Variants in IQSEC1 observed in about 807,000 individuals in gnomAD.
The protein encoded by IQSEC1 is IQ motif and SEC7 domain-containing protein 1.
IQSEC1 carries 31 observed loss-of-function variants against 91.0 expected under a neutral mutation model. That is an observed-to-expected ratio of 0.34 (90% confidence interval 0.26 to 0.46). IQSEC1 has a LOEUF of 0.46. Ranked by LOEUF, IQSEC1 falls within the 20% of genes least tolerant of loss-of-function variation. IQSEC1 has a pLI of 1.00. For synonymous variants in IQSEC1, 699 were observed against 662.6 expected (o/e 1.05, Z -0.84); for missense variants, 1,388 against 1,575.6 (o/e 0.88, Z 2.02).
chr3:13,010,888 A>G (rs1329578109), intron 1 of IQSEC1, among the ~76,000 whole-genome samples: 1 of 151,930 alleles, frequency 6.6e-6, no homozygotes, highest in Non-Finnish European at 1.5e-5. Flanking sequence ...CAAACACACC[A>G]TGAAGACTCG....
In IQSEC1 at chr3:12,922,285, G is replaced by T; in HGVS notation, c.1731-43C>A. ...AGCCCCGCATAAGCACCCCTTGCAG[G>T]TGCGACACGCCCAGCCCACCCCCAG... On this transcript the variant is annotated intron_variant, in intron 4 of 13. Coordinates refer to ENST00000613206, the MANE Select transcript of IQSEC1 (RefSeq NM_001134382.3). The surrounding 1 kb of genome is among the most constrained non-coding windows in gnomAD (Gnocchi z 5.1). The T allele has an allele frequency of 6.7e-7, 1 of 1,497,856 alleles. No individual in the cohort carries two copies. Among genetic ancestry groups the T allele is most frequent in the Non-Finnish European group, 9.0e-7 (1 of 1,110,440 alleles). The allele number at this position is 1,497,856 out of a possible 1,614,324, so 92.8% of individuals were successfully genotyped here.
chr3:12,941,659 A>G lies in IQSEC1; in HGVS notation c.230T>C (p.Leu77Pro). ...RPKLQHSTSILRKQAEEEAIK... is the reference protein window; with the variant it reads ...RPKLQHSTSIPRKQAEEEAIK... Reference sequence around the variant, plus strand: ...GGCCTCCTCCTCAGCCTGCTTGCGCAGGATGGAGGTCGAGTGCTGCAGCTT... The same window carrying G: ...GGCCTCCTCCTCAGCCTGCTTGCGCGGGATGGAGGTCGAGTGCTGCAGCTT... The change falls in exon 2 of 14, where the codon CTG (leucine) becomes CCG (proline). Residue 77 changes from leucine to proline, a missense_variant. Coordinates refer to ENST00000613206, the MANE Select transcript of IQSEC1 (RefSeq NM_001134382.3). 1 of 1,612,948 alleles carries G rather than the reference A, an allele frequency of 6.2e-7. No homozygotes were observed. Among genetic ancestry groups the G allele is most frequent in the Non-Finnish European group, 8.5e-7 (1 of 1,179,880 alleles).
intron 2 of IQSEC1, among the ~76,000 whole-genome samples, chr3:13,117,318 GGCTCACGACT>G (rs1468301358): frequency 3.3e-5 from 5 of 150,308 alleles, no homozygotes; most frequent in African/African-American, 1.2e-4. Context: ...CAGATGCAGT[GGCTCACGACT>G]GTAATCCCAG....
In IQSEC1 at chr3:13,073,207, G is replaced by T. The variant is rs919656080; in HGVS notation, c.-193C>A. The T allele has an allele frequency of 9.1e-6, 6 of 662,300 alleles. No homozygotes were observed. Among genetic ancestry groups the T allele is most frequent in the African/African-American group, 7.2e-5 (4 of 55,712 alleles). The allele number at this position is 662,300 out of a possible 1,614,324, so 41.0% of individuals were successfully genotyped here. A position where few individuals can be genotyped will look rare whatever the true frequency, so the allele number is the denominator to read the frequency against. ...GGGAGCGGGGGGCGGCGCCAGCAGCGGGCTGTGGAGGGCCCTGGCACGTAG... is the reference window on the plus strand; with the variant it reads ...GGGAGCGGGGGGCGGCGCCAGCAGCTGGCTGTGGAGGGCCCTGGCACGTAG... On this transcript the variant is annotated 5_prime_UTR_variant, in exon 1 of 14. Coordinates refer to ENST00000613206, the MANE Select transcript of IQSEC1 (RefSeq NM_001134382.3).
intron 1 of IQSEC1, among the ~76,000 whole-genome samples, chr3:13,244,107 C>CTA (rs1403736088): frequency 9.8e-5 from 15 of 152,384 alleles, no homozygotes; most frequent in African/African-American, 3.6e-4. Flanking sequence ...TCCAGCCCGT[C>CTA]TGACTCCTGC....
At position 13,103,603 on chromosome 3, in the gene IQSEC1, C is replaced by T. The variant is rs563495350; in HGVS notation, c.303-56081G>A. ...TGGCAAGAGCCAGAGCCGAGTGTGCCATTGGGGTGGGCAATTTGCAGGATG... is the reference window on the plus strand; with the variant it reads ...TGGCAAGAGCCAGAGCCGAGTGTGCTATTGGGGTGGGCAATTTGCAGGATG... On this transcript the variant is annotated intron_variant, in intron 2 of 15. Coordinates refer to the IQSEC1 transcript ENST00000648114. The surrounding 1 kb of genome is among the most constrained non-coding windows in gnomAD (Gnocchi z 4.1). 6.6e-6 allele frequency among the ~76,000 whole-genome samples: 1 copy of T among 152,076 alleles called. No homozygotes were observed. The highest frequency in any genetic ancestry group is 2.1e-4 in the South Asian group (1 of 4,836).
At chr3:12,998,523 T>TACC (rs1264494834) in intron 1 of IQSEC1, among the ~76,000 whole-genome samples, 2 of 152,144 alleles carry the variant, frequency 1.3e-5, no homozygotes, top group African/African-American at 4.8e-5. Flanking sequence ...TGGCAACTCT[T>TACC]ACCTGTAATC....
rs1246985067 is a variant in IQSEC1, at chr3:13,008,164, T to C, written c.23+64828A>G. 6.6e-6 allele frequency among the ~76,000 whole-genome samples: 1 copy of C among 152,206 alleles called. No individual in the cohort carries two copies. Among genetic ancestry groups the C allele is most frequent in the Non-Finnish European group, 1.5e-5 (1 of 68,036 alleles). ...TCTTGGCAGTTCTGAAGTTCAGGAC[T>C]GAACCTAGCTGCCTCTCCTGGCTAT... On this transcript the variant is annotated intron_variant, in intron 1 of 13. Transcript: ENST00000613206. The surrounding 1 kb of genome is among the most constrained non-coding windows in gnomAD (Gnocchi z 4.1).
chr3:12,900,776 A>T lies in IQSEC1; in HGVS notation c.*207T>A. The stretch of plus-strand genomic sequence containing the variant: ...CCTCAGACTGAGGTGAGCAGAGCCC[A>T]GGGTGCCAACAAGAAATGAAATCTG... On this transcript the variant is annotated 3_prime_UTR_variant, in exon 14 of 14. Transcript: ENST00000613206. 6.9e-7 allele frequency: 1 copy of T among 1,443,800 alleles called. No homozygotes were observed. The highest frequency in any genetic ancestry group is 9.1e-7 in the Non-Finnish European group (1 of 1,103,252). 89.4% of individuals were successfully genotyped at this position (1,443,800 alleles called of 1,614,324 possible). A position where few individuals can be genotyped will look rare whatever the true frequency, so the allele number is the denominator to read the frequency against.
intron 1 of IQSEC1, among the ~76,000 whole-genome samples, chr3:13,254,460 A>G (rs146603649): frequency 3.9e-5 from 6 of 152,332 alleles, no homozygotes; most frequent in Non-Finnish European, 7.3e-5. Context: ...GCCTGAAACC[A>G]TTCTGAGCAG....
intron 1 of IQSEC1, among the ~76,000 whole-genome samples, chr3:12,989,132 T>C (rs1453289203): frequency 2.0e-5 from 3 of 152,268 alleles, no homozygotes; most frequent in Admixed American, 1.3e-4. Flanking sequence ...TTTTAGCATT[T>C]AGCACTCCAA....
chr3:13,025,445 G>C (rs766603705), intron 1 of IQSEC1, among the ~76,000 whole-genome samples: 15 of 152,236 alleles, frequency 9.9e-5, no homozygotes, highest in Non-Finnish European at 2.2e-4. Context: ...GTGCACTTGA[G>C]GAAGGCAGCA....
chr3:13,166,757 C>G (rs1221267657), intron 1 of IQSEC1, among the ~76,000 whole-genome samples: 4 of 152,240 alleles, frequency 2.6e-5, no homozygotes, highest in Non-Finnish European at 5.9e-5. Flanking sequence ...CTCCCACACA[C>G]TGGAGCCCAG....
intron 1 of IQSEC1, among the ~76,000 whole-genome samples, chr3:12,954,357 A>G (rs577078724): frequency 6.6e-6 from 1 of 152,328 alleles, no homozygotes; most frequent in Middle Eastern, 3.4e-3. Context: ...TCACAGCTTC[A>G]GGGGCTCGCA....
At chr3:12,986,321 C>T (rs778331418) in intron 1 of IQSEC1, among the ~76,000 whole-genome samples, 2 of 152,182 alleles carry the variant, frequency 1.3e-5, no homozygotes, top group East Asian at 1.9e-4. Flanking sequence ...AGCAGCCCTG[C>T]GCCAGAGGCA....
chr3:13,046,141 C>T (rs1412091323), intron 1 of IQSEC1, among the ~76,000 whole-genome samples: 9 of 152,332 alleles, frequency 5.9e-5, no homozygotes, highest in African/African-American at 1.9e-4. Flanking sequence ...GCTCTGCCCC[C>T]GCAGTCTCGA....
chr3:12,963,492 C>T lies in IQSEC1; in HGVS notation c.24-21627G>A, dbSNP rs578258168. ...TTTAACTCAGCAACAATTTCACAAA[C>T]GGGAAAAGGTGGTAATAATGATGAT... is the stretch of plus-strand genomic sequence containing the variant. On this transcript the variant is annotated intron_variant, in intron 1 of 13. Coordinates refer to ENST00000613206, the MANE Select transcript of IQSEC1 (RefSeq NM_001134382.3). Among the ~76,000 whole-genome samples the T allele has an allele frequency of 1.4e-4, 21 of 152,332 alleles. No individual in the cohort carries two copies. In the South Asian group the frequency reaches 1.9e-3, roughly 14 times the overall value.
At chr3:13,050,184 T>C (rs972131187) in intron 1 of IQSEC1, among the ~76,000 whole-genome samples, 2 of 151,672 alleles carry the variant, frequency 1.3e-5, no homozygotes, top group Admixed American at 1.3e-4. Context: ...ACCCTCCCTC[T>C]GTCAACTGCC....
In IQSEC1 at chr3:12,924,163, A is replaced by T. The variant is rs1200105558; in HGVS notation, c.1730+418T>A. ...GGGCATGCAGTCCATGCAGGAGGACAACAGCCAGGCCAGGGGAAGAGGCCC... is the reference window on the plus strand; with the variant it reads ...GGGCATGCAGTCCATGCAGGAGGACTACAGCCAGGCCAGGGGAAGAGGCCC... On this transcript the variant is annotated intron_variant, in intron 4 of 13. Coordinates refer to ENST00000613206, the MANE Select transcript of IQSEC1 (RefSeq NM_001134382.3). This position sits in a 1 kb window ranked among gnomAD's most constrained non-coding sequence, Gnocchi z 6.3. 6.6e-6 allele frequency among the ~76,000 whole-genome samples: 1 copy of T among 152,196 alleles called. No individual in the cohort carries two copies. Among genetic ancestry groups the T allele is most frequent in the Non-Finnish European group, 1.5e-5 (1 of 68,030 alleles).
Sources: allele counts gnomAD v4.1 joint callset (sites outside exome capture counted in the v4.1 genomes callset), GRCh38; gene constraint gnomAD v4.1.1; non-coding constraint Gnocchi (gnomAD v3.1); transcripts MANE v1.5; gene names NCBI Gene and HGNC (gene_info 2026-07-23, HGNC 2026-07-21).